The following CASQ2 variants were observed in gnomAD, a reference collection of about 807,000 sequenced individuals.
The protein encoded by CASQ2 is calsequestrin 2.
Under a neutral mutation model 46.5 loss-of-function variants are expected in CASQ2, and 49 were observed. That is an observed-to-expected ratio of 1.05 (90% confidence interval 0.84 to 1.34). The LOEUF (loss-of-function observed/expected upper bound fraction) is 1.34. CASQ2 is among the 40% of genes most tolerant of loss of function. The probability of loss-of-function intolerance (pLI) is 0.00; values close to 1 mark genes in which losing one functional copy is unlikely to be tolerated. For missense variants in CASQ2, 486 were observed against 481.3 expected (o/e 1.01, Z -0.09); for synonymous variants, 174 against 168.5 (o/e 1.03, Z -0.25).
In CASQ2 at chr1:115,705,077, G is replaced by A. The variant is rs575897151; in HGVS notation, c.939+115C>T. On this transcript the variant is annotated intron_variant, in intron 9 of 10. Coordinates refer to ENST00000261448, the MANE Select transcript of CASQ2 (RefSeq NM_001232.4). ...GGCCAAGACCTCCCACACTGGGTGA[G>A]GACCGCCACTGGGTTTCTTCAAGTG... The A allele has an allele frequency of 3.7e-5, 29 of 780,266 alleles. No individual in the cohort carries two copies. In the East Asian group the frequency reaches 7.3e-4, roughly 20 times the overall value. The allele number at this position is 780,266 out of a possible 1,614,324, so 48.3% of individuals were successfully genotyped here. A position where few individuals can be genotyped will look rare whatever the true frequency, so the allele number is the denominator to read the frequency against.
At chr1:115,711,874 C>T (rs920996152) in intron 8 of CASQ2, among the ~76,000 whole-genome samples, 6 of 152,028 alleles carry the variant, frequency 3.9e-5, no homozygotes, top group Admixed American at 1.3e-4. Flanking sequence ...AGACTGGTCT[C>T]GAACTCCTGA....
At chr1:115,703,097 A>G (rs1654260472) in intron 9 of CASQ2, 102 bp from the exon 10 acceptor site, 1 of 894,518 alleles carries the variant, frequency 1.1e-6, no homozygotes, top group Admixed American at 2.0e-5. Context: ...CATTGGTTAA[A>G]GGTCTTCAAA....
chr1:115,723,305 T>TTATC (rs58680506), intron 7 of CASQ2, among the ~76,000 whole-genome samples: 26,342 of 148,712 alleles, frequency 0.18, 2,513 homozygotes, highest in Non-Finnish European at 0.21. Flanking sequence ...ATCTATCTAT[T>TTATC]TATCTATCTA....
intron 1 of CASQ2, among the ~76,000 whole-genome samples, chr1:115,755,895 C>G (rs1648743721): frequency 6.6e-6 from 1 of 152,242 alleles, no homozygotes; most frequent in Non-Finnish European, 1.5e-5. Context: ...TCAATCCCAG[C>G]TGGCTCTAAC....
rs1648007472 is a variant in CASQ2 at position 115,737,620 on chromosome 1, AC to A, written c.532+603del. Among the ~76,000 whole-genome samples, 5 of 151,866 alleles carry A rather than the reference AC, an allele frequency of 3.3e-5. No homozygotes were observed. In the South Asian group the frequency reaches 8.3e-4, roughly 25 times the overall value. ...CTGCTCTTCCTGACTCACCCCCACCACCCGCTCATCCCTATATGGGCTGTAG... is the reference window on the plus strand; with the variant it reads ...CTGCTCTTCCTGACTCACCCCCACCACCGCTCATCCCTATATGGGCTGTAG... On this transcript the variant is annotated intron_variant, in intron 4 of 10. Transcript: ENST00000261448.
chr1:115,762,206 A>G (rs576851301), intron 1 of CASQ2, among the ~76,000 whole-genome samples: 2 of 152,336 alleles, frequency 1.3e-5, no homozygotes, highest in South Asian at 4.1e-4. Context: ...CTGACTGAGC[A>G]AGGGACCTAT....
chr1:115,756,809 G>A (rs183127860), intron 1 of CASQ2, among the ~76,000 whole-genome samples: 1 of 152,024 alleles, frequency 6.6e-6, no homozygotes, highest in African/African-American at 2.4e-5. Context: ...TAGCTGGGCA[G>A]GGTGGCACAC....
At chr1:115,710,974 CG>C (rs567133844) in intron 8 of CASQ2, among the ~76,000 whole-genome samples, 100 of 152,300 alleles carry the variant, frequency 6.6e-4, no homozygotes, top group African/African-American at 2.4e-3. Context: ...CCTAGGGGAC[CG>C]GTCCCAGGCC....
At chr1:115,706,226 A>G (rs1654357671) in intron 8 of CASQ2, among the ~76,000 whole-genome samples, 1 of 152,070 alleles carries the variant, frequency 6.6e-6, no homozygotes, top group African/African-American at 2.4e-5. Flanking sequence ...ATGTGCAGAA[A>G]CACAAGCCAT....
At position 115,700,642 on chromosome 1, in the gene CASQ2, C is replaced by A; in HGVS notation, c.*599G>T. 1 of 194,492 alleles carries A rather than the reference C, an allele frequency of 5.1e-6. No individual in the cohort carries two copies. The highest frequency in any genetic ancestry group is 1.1e-5 in the Non-Finnish European group (1 of 94,236). The allele number at this position is 194,492 out of a possible 1,614,324, so 12.0% of individuals were successfully genotyped here. ...ATAGCCATCCAAAGGCTTGAATATC[C>A]AAGTTCATAGTGATATGAATGACCA... On this transcript the variant is annotated 3_prime_UTR_variant, in exon 11 of 11. Coordinates refer to ENST00000261448, the MANE Select transcript of CASQ2 (RefSeq NM_001232.4).
intron 8 of CASQ2, among the ~76,000 whole-genome samples, chr1:115,716,369 T>C (rs1334337369): frequency 2.0e-5 from 3 of 152,198 alleles, no homozygotes; most frequent in African/African-American, 7.2e-5. Context: ...AGCTGCTCAT[T>C]TTCCCCAGGT....
At chr1:115,740,080 G>A (rs1402611636) in intron 3 of CASQ2, among the ~76,000 whole-genome samples, 1 of 152,196 alleles carries the variant, frequency 6.6e-6, no homozygotes, top group African/African-American at 2.4e-5. Context: ...GTACTGGCTG[G>A]TAGATAAAGA....
intron 5 of CASQ2, among the ~76,000 whole-genome samples, chr1:115,729,895 G>A (rs564638939): frequency 5.3e-5 from 8 of 152,190 alleles, no homozygotes; most frequent in South Asian, 2.1e-4. Context: ...GTGATTTTTC[G>A]TCTCATTGTT....
intron 9 of CASQ2, among the ~76,000 whole-genome samples, chr1:115,703,397 TAAG>T (rs1225677053): frequency 1.3e-5 from 2 of 152,118 alleles, no homozygotes; most frequent in East Asian, 1.9e-4. Context: ...AGTTGCCAAG[TAAG>T]AAGAAGGCTT....
At chr1:115,712,535 C>T (rs1323675801) in intron 8 of CASQ2, among the ~76,000 whole-genome samples, 1 of 151,998 alleles carries the variant, frequency 6.6e-6, no homozygotes, top group African/African-American at 2.4e-5. Flanking sequence ...ATCTGTACAC[C>T]GGGGAAGATG....
chr1:115,727,178 T>C (rs1647625097), intron 5 of CASQ2, 56 bp from the exon 6 acceptor site: 1 of 1,315,904 alleles, frequency 7.6e-7, no homozygotes, highest in Non-Finnish European at 1.1e-6. Flanking sequence ...AGAATAGCAG[T>C]GTGTTGTCCA....
At chr1:115,724,456 C>T (rs1417995690) in intron 7 of CASQ2, among the ~76,000 whole-genome samples, 1 of 152,214 alleles carries the variant, frequency 6.6e-6, no homozygotes, top group Non-Finnish European at 1.5e-5. Flanking sequence ...GCGTGCCCCA[C>T]TATGCCCGAC....
intron 1 of CASQ2, 92 bp from the exon 2 acceptor site, chr1:115,745,004 G>T: frequency 1.1e-6 from 1 of 921,720 alleles, no homozygotes; most frequent in Non-Finnish European, 1.8e-6. Flanking sequence ...CAATGGAAGG[G>T]TTTCCTCTAT....
intron 8 of CASQ2, among the ~76,000 whole-genome samples, chr1:115,710,679 T>C (rs1213270001): frequency 6.6e-6 from 1 of 152,178 alleles, no homozygotes; most frequent in East Asian, 1.9e-4. Flanking sequence ...AGCTGTAGTA[T>C]GATGGGTTGG....
Sources: allele counts gnomAD v4.1 joint callset (sites outside exome capture counted in the v4.1 genomes callset), GRCh38; gene constraint gnomAD v4.1.1; transcripts MANE v1.5; gene names NCBI Gene and HGNC (gene_info 2026-07-23, HGNC 2026-07-21).